The following MEGF6 variants were observed in gnomAD, a reference collection of about 807,000 sequenced individuals.
MEGF6 encodes the protein multiple epidermal growth factor-like domains protein 6.
In MEGF6, 184 loss-of-function variants were observed where a neutral mutation model predicts 207.1. That is an observed-to-expected ratio of 0.89 (90% CI 0.79 to 1.00). The LOEUF (loss-of-function observed/expected upper bound fraction) is 1.00. Among genes scored for constraint, MEGF6 ranks in the 50% least tolerant of loss-of-function variants. The probability of loss-of-function intolerance (pLI) is 0.00; values close to 1 mark genes in which losing one functional copy is unlikely to be tolerated. For synonymous variants in MEGF6, 1,038 were observed against 910.0 expected (o/e 1.14, Z -2.53); for missense variants, 2,282 against 2,202.9 (o/e 1.04, Z -0.72).
intron 4 of MEGF6, among the ~76,000 whole-genome samples, chr1:3,562,043 G>A (rs891538667): frequency 5.9e-5 from 9 of 152,198 alleles, no homozygotes; most frequent in South Asian, 4.1e-4. Flanking sequence ...CATGCTTAGC[G>A]GCTGCCCCAA....
At chr1:3,524,009 C>T (rs538959035) in intron 5 of MEGF6, 115 bp downstream of exon 5, 8 of 1,196,702 alleles carry the variant, frequency 6.7e-6, no homozygotes, top group South Asian at 4.6e-5. Flanking sequence ...ACTGCCAGAG[C>T]GGCCTCTGCC....
intron 10 of MEGF6, 149 bp from the exon 11 acceptor site, chr1:3,510,141 C>G (rs531409031): frequency 8.8e-7 from 1 of 1,141,996 alleles, no homozygotes. Flanking sequence ...TAAAACTCAC[C>G]CTCAGCCACA....
At chr1:3,525,041 T>C (rs146781784) in intron 4 of MEGF6, among the ~76,000 whole-genome samples, 20 of 152,282 alleles carry the variant, frequency 1.3e-4, no homozygotes, top group African/African-American at 4.8e-4. Flanking sequence ...GAAACTTCTA[T>C]AGTTTGTAGC....
intron 4 of MEGF6, among the ~76,000 whole-genome samples, chr1:3,562,049 C>T (rs1461194302): frequency 1.3e-5 from 2 of 152,184 alleles, no homozygotes; most frequent in African/African-American, 4.8e-5. Flanking sequence ...TAGCGGCTGC[C>T]CCAAACCAAG....
At chr1:3,557,744 G>A (rs1643078616) in intron 4 of MEGF6, among the ~76,000 whole-genome samples, 1 of 152,240 alleles carries the variant, frequency 6.6e-6, no homozygotes, top group African/African-American at 2.4e-5. Context: ...AGCAGGGGGA[G>A]TTCAGGGGAT....
chr1:3,508,919 G>A (rs1245383643), intron 12 of MEGF6, among the ~76,000 whole-genome samples, 156 bp downstream of exon 12: 1 of 152,206 alleles, frequency 6.6e-6, no homozygotes, highest in Non-Finnish European at 1.5e-5. Context: ...CGCAAACTGA[G>A]CCAGTGGCTC....
intron 24 of MEGF6, 143 bp downstream of exon 24, chr1:3,498,995 G>A: frequency 4.3e-6 from 6 of 1,408,032 alleles, no homozygotes; most frequent in Non-Finnish European, 5.7e-6. Flanking sequence ...CCTGGAGAGG[G>A]GCACAGGTGA....
chr1:3,569,294 G>A (rs1035991818), intron 4 of MEGF6, among the ~76,000 whole-genome samples: 15 of 152,338 alleles, frequency 9.8e-5, no homozygotes, highest in African/African-American at 2.9e-4. Flanking sequence ...CCCCTCAGCC[G>A]GGGCTCCCAA....
intron 4 of MEGF6, among the ~76,000 whole-genome samples, chr1:3,540,486 T>A (rs568960365): frequency 6.6e-6 from 1 of 152,222 alleles, no homozygotes; most frequent in Non-Finnish European, 1.5e-5. Context: ...CCAGGGCCCA[T>A]GGGCGAGGGA....
chr1:3,574,310 C>G (rs904107802), intron 4 of MEGF6, among the ~76,000 whole-genome samples: 1 of 152,056 alleles, frequency 6.6e-6, no homozygotes, highest in South Asian at 2.1e-4. Context: ...TTCCCGACCC[C>G]GTACCTCAGG....
intron 30 of MEGF6, among the ~76,000 whole-genome samples, chr1:3,495,419 G>A (rs930877750): frequency 6.6e-6 from 1 of 152,140 alleles, no homozygotes; most frequent in African/African-American, 2.4e-5. Context: ...GAGCCACTAC[G>A]CCTGTCCCCT....
intron 4 of MEGF6, among the ~76,000 whole-genome samples, chr1:3,575,208 G>A (rs968231664): frequency 4.6e-5 from 7 of 152,234 alleles, no homozygotes; most frequent in East Asian, 1.9e-4. Flanking sequence ...ATCCATCCAC[G>A]CTTGCCAGAG....
At chr1:3,542,139 G>A (rs1642549213) in intron 4 of MEGF6, among the ~76,000 whole-genome samples, 1 of 152,184 alleles carries the variant, frequency 6.6e-6, no homozygotes, top group Non-Finnish European at 1.5e-5. Context: ...TGGAAGGAGG[G>A]GTCAGCCGGG....
rs749932917 is a variant in MEGF6, at chr1:3,499,244, C to T, written c.2988G>A (p.Gly996=). ...CAETCPAHTY[G]HNCSQACACF... is the part of the protein sequence containing the mutation. The stretch of plus-strand genomic sequence containing the variant: ...AGGCACAGGCCTGGCTGCAATTGTG[C>T]CCGTAGGTGTGGGCTGGGCAGGCTG... The change falls in exon 24 of 37, where the codon GGG becomes GGA. Residue 996 remains glycine (G), a synonymous_variant. Transcript: ENST00000356575. 1 of 1,605,770 alleles carries T rather than the reference C, an allele frequency of 6.2e-7. No homozygotes were observed. The highest frequency in any genetic ancestry group is 1.1e-5 in the South Asian group (1 of 89,546).
intron 4 of MEGF6, among the ~76,000 whole-genome samples, chr1:3,555,670 C>G (rs1014858526): frequency 6.6e-6 from 1 of 152,310 alleles, no homozygotes; most frequent in African/African-American, 2.4e-5. Context: ...CCTGCAGGGC[C>G]GAGAGGAGCC....
chr1:3,590,775 G>A (rs1269166918), intron 3 of MEGF6, among the ~76,000 whole-genome samples: 1 of 147,628 alleles, frequency 6.8e-6, no homozygotes, highest in Non-Finnish European at 1.5e-5. Flanking sequence ...AAGGAAGGGG[G>A]CAAAGGGTGA....
intron 4 of MEGF6, among the ~76,000 whole-genome samples, chr1:3,528,248 T>C (rs1340611990): frequency 2.0e-5 from 3 of 152,078 alleles, no homozygotes; most frequent in Admixed American, 1.3e-4. Context: ...ATCCCCTTAA[T>C]AGAAATGATT....
the MEGF6 span, among the ~76,000 whole-genome samples, chr1:3,616,952 C>T: frequency 4.6e-5 from 7 of 152,204 alleles, no homozygotes; most frequent in Non-Finnish European, 8.8e-5. Context: ...AGTTCCTGCT[C>T]AGCGTTTGAA....
upstream of MEGF6, among the ~76,000 whole-genome samples, chr1:3,613,832 G>C (rs1644356018): frequency 6.6e-6 from 1 of 150,922 alleles, no homozygotes; most frequent in Non-Finnish European, 1.5e-5. Context: ...GCTCTCCCCT[G>C]TCCCAGGCAC....
Sources: allele counts gnomAD v4.1 joint callset (sites outside exome capture counted in the v4.1 genomes callset), GRCh38; gene constraint gnomAD v4.1.1; transcripts MANE v1.5; gene names NCBI Gene and HGNC (gene_info 2026-07-23, HGNC 2026-07-21).